The following TXN variants were observed in gnomAD, a reference collection of about 807,000 sequenced individuals.
TXN encodes the protein ADF.
In TXN, 10 loss-of-function variants were observed where a neutral mutation model predicts 16.5. The observed-to-expected ratio is 0.61, with a 90% CI of 0.37 to 1.03. The LOEUF (loss-of-function observed/expected upper bound fraction) is 1.03, where lower values mean the gene tolerates loss of function less well. Ranked by LOEUF, TXN falls within the 50% of genes least tolerant of loss-of-function variation. The probability of loss-of-function intolerance (pLI) is 0.01; values close to 1 mark genes in which losing one functional copy is unlikely to be tolerated. For missense variants in TXN, 71 were observed against 122.5 expected (o/e 0.58, Z 1.98); for synonymous variants, 35 against 39.4 (o/e 0.89, Z 0.42).
At chr9:110,255,559 G>A (rs1449134945) in intron 1 of TXN, among the ~76,000 whole-genome samples, 2 of 152,226 alleles carry the variant, frequency 1.3e-5, no homozygotes, top group African/African-American at 4.8e-5. Flanking sequence ...GACTGAGGGT[G>A]AATCATGGAC....
At chr9:110,253,187 A>T (rs1001868693) in intron 1 of TXN, among the ~76,000 whole-genome samples, 1 of 152,010 alleles carries the variant, frequency 6.6e-6, no homozygotes, top group African/African-American at 2.4e-5. Flanking sequence ...CACTAATATG[A>T]CCTCATGTAC....
chr9:110,247,120 C>T (rs1188939085), intron 3 of TXN, among the ~76,000 whole-genome samples: 1 of 152,012 alleles, frequency 6.6e-6, no homozygotes, highest in African/African-American at 2.4e-5. Flanking sequence ...GTGAGGAGTT[C>T]GAGACCAGCC....
intron 3 of TXN, among the ~76,000 whole-genome samples, chr9:110,245,650 A>ATTTTTT (rs1230575444): frequency 8.1e-5 from 2 of 24,644 alleles, no homozygotes; most frequent in Non-Finnish European, 1.3e-4. Flanking sequence ...ATATATATAT[A>ATTTTTT]TATATTTTTT....
At chr9:110,253,368 T>C (rs1357165663) in intron 1 of TXN, among the ~76,000 whole-genome samples, 3 of 152,130 alleles carry the variant, frequency 2.0e-5, no homozygotes, top group East Asian at 1.9e-4. Flanking sequence ...GCAGGGTACA[T>C]AGAAGTATAG....
chr9:110,248,566 T>C lies in TXN; in HGVS notation c.189+2254A>G, dbSNP rs555128297. On this transcript the variant is annotated intron_variant, in intron 3 of 4. Coordinates refer to ENST00000374517, the MANE Select transcript of TXN (RefSeq NM_003329.4). ...TACACTCTATGTGTGCACAACAAAATTGCCTAACATTTCTCAGAAAGTATC... is the reference window on the plus strand; with the variant it reads ...TACACTCTATGTGTGCACAACAAAACTGCCTAACATTTCTCAGAAAGTATC... Among the ~76,000 whole-genome samples, 6 of 152,250 alleles carry C rather than the reference T, an allele frequency of 3.9e-5. No individual in the cohort carries two copies. The East Asian group carries it at 1.2e-3, about 29-fold the overall frequency.
At chr9:110,246,105 T>C (rs1031506975) in intron 3 of TXN, among the ~76,000 whole-genome samples, 1 of 152,196 alleles carries the variant, frequency 6.6e-6, no homozygotes, top group Non-Finnish European at 1.5e-5. Flanking sequence ...CAAACCTTGC[T>C]GCAGTATCAG....
chr9:110,253,826 A>C (rs1427555095), intron 1 of TXN, among the ~76,000 whole-genome samples: 1 of 152,214 alleles, frequency 6.6e-6, no homozygotes, highest in Non-Finnish European at 1.5e-5. Context: ...AAGAAATCAC[A>C]ATTTCTAGCT....
chr9:110,251,143 T>C (rs1299088311), intron 2 of TXN, among the ~76,000 whole-genome samples: 2 of 152,150 alleles, frequency 1.3e-5, no homozygotes, highest in East Asian at 1.9e-4. Flanking sequence ...AAAAGAACTA[T>C]TTAAGACAAA....
chr9:110,244,746 C>CAGTTAGA lies in TXN; in HGVS notation c.255+25_255+31dup, dbSNP rs4135222. 1,368 of 1,575,154 alleles carry CAGTTAGA rather than the reference C, an allele frequency of 8.7e-4. 10 individuals carry two copies. The African/African-American group carries it at 0.016, about 19-fold the overall frequency. ...CACTTATACTGGGTTTCCTATTGCC[C>CAGTTAGA]AGTTAGAGTTTTAAAGGTCAGATGT... On this transcript the variant is annotated intron_variant, in intron 4 of 4. Transcript: ENST00000374517.
In TXN at chr9:110,256,076, G is replaced by T. The variant is rs1422193866; in HGVS notation, c.24+336C>A. The stretch of plus-strand genomic sequence containing the variant: ...GAGGCGCAGCGTGGGGACTCCTCAC[G>T]CTGTCTGCGCTCTCACATCCCCCGG... On this transcript the variant is annotated intron_variant, in intron 1 of 4. Transcript: ENST00000374517. The surrounding 1 kb of genome is among the most constrained non-coding windows in gnomAD (Gnocchi z 4.2). Among the ~76,000 whole-genome samples the T allele has an allele frequency of 6.6e-6, 1 of 152,178 alleles. No individual in the cohort carries two copies. Among genetic ancestry groups the T allele is most frequent in the Non-Finnish European group, 1.5e-5 (1 of 68,008 alleles).
At chr9:110,248,746 C>T (rs760535521) in intron 3 of TXN, among the ~76,000 whole-genome samples, 1 of 152,088 alleles carries the variant, frequency 6.6e-6, no homozygotes, top group African/African-American at 2.4e-5. Flanking sequence ...ATAAAAAATA[C>T]TCGTATAGTT....
At chr9:110,248,611 T>A (rs544064069) in intron 3 of TXN, among the ~76,000 whole-genome samples, 1 of 152,204 alleles carries the variant, frequency 6.6e-6, no homozygotes, top group Non-Finnish European at 1.5e-5. Context: ...AAGTGATGCA[T>A]GACTGTACTT....
chr9:110,244,391 G>T (rs1010673493), intron 4 of TXN, among the ~76,000 whole-genome samples, 172 bp from the exon 5 acceptor site: 2 of 126,566 alleles, frequency 1.6e-5, no homozygotes, highest in Non-Finnish European at 3.6e-5. Context: ...GAGGGAAAAA[G>T]AAGTATAATC....
chr9:110,254,090 A>G lies in TXN; in HGVS notation c.24+2322T>C, dbSNP rs79472584. Among the ~76,000 whole-genome samples the G allele has an allele frequency of 2.5e-4, 38 of 152,232 alleles. No individual in the cohort carries two copies. The East Asian group carries it at 7.1e-3, about 29-fold the overall frequency. ...TTCTTCCTCATCACATTTACAGTCA[A>G]TTATTCCATTCCTCTCTGAAATAGA... On this transcript the variant is annotated intron_variant, in intron 1 of 4. Transcript: ENST00000374517.
intron 4 of TXN, among the ~76,000 whole-genome samples, chr9:110,244,464 T>A (rs1837622988): frequency 2.0e-5 from 3 of 151,786 alleles, no homozygotes; most frequent in African/African-American, 7.3e-5. Context: ...AAAGAAAAAA[T>A]ATCAAGAGAA....
intron 1 of TXN, among the ~76,000 whole-genome samples, chr9:110,255,191 C>T (rs902478295): frequency 6.6e-6 from 1 of 152,218 alleles, no homozygotes. Context: ...GCACCCGAGG[C>T]GGGCGAGGAC....
At position 110,254,171 on chromosome 9, in the gene TXN, TG is replaced by T. The variant is rs1384516074; in HGVS notation, c.24+2240del. 6.6e-5 allele frequency among the ~76,000 whole-genome samples: 10 copies of T among 152,354 alleles called. No homozygotes were observed. In the South Asian group the frequency reaches 2.1e-3, roughly 32 times the overall value. ...ACCTCAGAAACAGAATTGTTCTGAA[TG>T]GCAAATGGTGCAAATTTAGCCCATT... is the stretch of plus-strand genomic sequence containing the variant. On this transcript the variant is annotated intron_variant, in intron 1 of 4. Coordinates refer to ENST00000374517, the MANE Select transcript of TXN (RefSeq NM_003329.4).
intron 1 of TXN, among the ~76,000 whole-genome samples, chr9:110,255,262 G>A (rs914920750): frequency 2.0e-5 from 3 of 152,256 alleles, no homozygotes; most frequent in Non-Finnish European, 4.4e-5. Flanking sequence ...GCTGGCGAGG[G>A]GTCTTCTACC....
intron 4 of TXN, 85 bp from the exon 5 acceptor site, chr9:110,244,304 TATATAC>T (rs1301980600): frequency 9.3e-6 from 4 of 430,710 alleles, no homozygotes; most frequent in South Asian, 6.1e-5. Context: ...TGTATTTATA[TATATAC>T]ATATACATAT....
Sources: allele counts gnomAD v4.1 joint callset (sites outside exome capture counted in the v4.1 genomes callset), GRCh38; gene constraint gnomAD v4.1.1; non-coding constraint Gnocchi (gnomAD v3.1); transcripts MANE v1.5; gene names NCBI Gene and HGNC (gene_info 2026-07-23, HGNC 2026-07-21).